The following ZNF385B variants were observed in gnomAD, a reference collection of about 807,000 sequenced individuals.
The protein encoded by ZNF385B is zinc finger protein 385B, also known as zinc finger protein 533.
Under a neutral mutation model 39.2 loss-of-function variants are expected in ZNF385B, and 23 were observed. The ratio of observed to expected loss-of-function variants is 0.59; its 90% CI spans 0.42 to 0.83. The LOEUF (loss-of-function observed/expected upper bound fraction) is 0.83. Ranked by LOEUF, ZNF385B falls within the 40% of genes least tolerant of loss-of-function variation. ZNF385B has a pLI of 0.00. For missense variants in ZNF385B, 552 were observed against 598.9 expected, an observed-to-expected ratio of 0.92 and a Z score of 0.82; for synonymous variants, 205 against 222.6, an observed-to-expected ratio of 0.92 and a Z score of 0.70.
At chr2:179,467,460 A>G (rs2052195345) in intron 6 of ZNF385B, among the ~76,000 whole-genome samples, 1 of 152,224 alleles carries the variant, frequency 6.6e-6, no homozygotes, top group African/African-American at 2.4e-5. Flanking sequence ...AGAAGTGGAA[A>G]ACAAAACAGA....
chr2:179,471,337 A>G (rs2052754347), intron 6 of ZNF385B, among the ~76,000 whole-genome samples: 1 of 152,234 alleles, frequency 6.6e-6, no homozygotes, highest in Non-Finnish European at 1.5e-5. Flanking sequence ...GAGAATAGAG[A>G]AAAATAACTC....
rs951345114 is a variant in ZNF385B at position 179,442,477 on chromosome 2, G to A, written c.*773C>T. 1 of 152,608 alleles carries A rather than the reference G, an allele frequency of 6.6e-6. No homozygotes were observed. The highest frequency in any genetic ancestry group is 1.5e-5 in the Non-Finnish European group (1 of 68,030). The allele number at this position is 152,608 out of a possible 1,614,324, so 9.5% of individuals were successfully genotyped here. ...GTTAAACAAAAATAGCAAACAGGTA[G>A]TAATTATAGCTATGTTATATGGCTT... On this transcript the variant is annotated 3_prime_UTR_variant, in exon 10 of 10. Transcript: ENST00000410066.
intron 3 of ZNF385B, among the ~76,000 whole-genome samples, chr2:179,727,075 C>T (rs113984760): frequency 3.9e-5 from 6 of 151,980 alleles, no homozygotes; most frequent in African/African-American, 1.4e-4. Flanking sequence ...TCAGGGAGCA[C>T]TCAGACTATA....
chr2:179,786,936 T>C (rs1705042058), intron 1 of ZNF385B, among the ~76,000 whole-genome samples: 1 of 152,114 alleles, frequency 6.6e-6, no homozygotes, highest in Middle Eastern at 3.2e-3. Flanking sequence ...CTGAGAAAGC[T>C]GGTTAAAGAA....
chr2:179,584,911 A>G (rs1350740294), intron 3 of ZNF385B, among the ~76,000 whole-genome samples: 1 of 152,222 alleles, frequency 6.6e-6, no homozygotes, highest in African/African-American at 2.4e-5. Context: ...GACAAGGGAG[A>G]CAGAGGTGAA....
intron 5 of ZNF385B, among the ~76,000 whole-genome samples, chr2:179,485,703 TGATA>T (rs996792424): frequency 6.6e-6 from 1 of 152,184 alleles, no homozygotes; most frequent in African/African-American, 2.4e-5. Context: ...GGAAGCTTGG[TGATA>T]GATTCATGCC....
At position 179,697,016 on chromosome 2, in the gene ZNF385B, G is replaced by A. The variant is rs111291528; in HGVS notation, c.298+72487C>T. On this transcript the variant is annotated intron_variant, in intron 3 of 9. Transcript: ENST00000410066. ...ACCAAAACAACATTCCCATTCCCTA[G>A]TTTCTCTGTGTAAGAATTTGGTATT... Among the ~76,000 whole-genome samples, 1,250 of 152,270 alleles carry A rather than the reference G, an allele frequency of 8.2e-3. 20 individuals carry two copies. Among genetic ancestry groups the A allele is most frequent in the African/African-American group, 0.029 (1,204 of 41,542 alleles).
intron 3 of ZNF385B, among the ~76,000 whole-genome samples, chr2:179,587,614 T>G (rs1201790391): frequency 1.3e-5 from 2 of 152,246 alleles, no homozygotes; most frequent in Non-Finnish European, 2.9e-5. Flanking sequence ...ATGCAGAGAC[T>G]ATCTCAGATG....
chr2:179,783,598 GTATCTAGCATCTATAA>G (rs1350759315), intron 1 of ZNF385B, among the ~76,000 whole-genome samples: 4 of 151,626 alleles, frequency 2.6e-5, no homozygotes, highest in Non-Finnish European at 5.9e-5. Flanking sequence ...CAAAGGTCTA[GTATCTAGCATCTATAA>G]GGAATTTAAA....
At chr2:179,690,790 G>A (rs1374525834) in intron 3 of ZNF385B, among the ~76,000 whole-genome samples, 2 of 152,134 alleles carry the variant, frequency 1.3e-5, no homozygotes, top group African/African-American at 2.4e-5. Context: ...AATCATGCTT[G>A]CTCACAGTAA....
chr2:179,564,362 G>A (rs777425011), intron 3 of ZNF385B, among the ~76,000 whole-genome samples: 3 of 152,122 alleles, frequency 2.0e-5, no homozygotes, highest in Non-Finnish European at 4.4e-5. Flanking sequence ...TCTAAAAAAT[G>A]AGAAGAGCTT....
chr2:179,743,454 C>A (rs1336278740), intron 3 of ZNF385B, among the ~76,000 whole-genome samples: 1 of 151,956 alleles, frequency 6.6e-6, no homozygotes, highest in Non-Finnish European at 1.5e-5. Flanking sequence ...AGGCAAAGAT[C>A]TAATAATTAA....
intron 6 of ZNF385B, among the ~76,000 whole-genome samples, chr2:179,472,192 G>A (rs1453334983): frequency 1.3e-5 from 2 of 152,120 alleles, no homozygotes; most frequent in Non-Finnish European, 2.9e-5. Context: ...ATATAAGCAG[G>A]ACAGCTGCTA....
At chr2:179,565,365 A>G (rs1210107744) in intron 3 of ZNF385B, among the ~76,000 whole-genome samples, 2 of 152,202 alleles carry the variant, frequency 1.3e-5, no homozygotes, top group Non-Finnish European at 2.9e-5. Flanking sequence ...ATGCATGTAA[A>G]TTCTTACTAT....
At chr2:179,774,153 T>C (rs988123906) in intron 1 of ZNF385B, among the ~76,000 whole-genome samples, 2 of 151,534 alleles carry the variant, frequency 1.3e-5, no homozygotes, top group Non-Finnish European at 2.9e-5. Flanking sequence ...CTGTGATGTG[T>C]ATGAATGTGG....
In ZNF385B at chr2:179,445,743, G is replaced by T; in HGVS notation, c.962-15C>A. On this transcript the variant is annotated splice_polypyrimidine_tract_variant and intron_variant, in intron 7 of 9. Transcript: ENST00000410066. Reference sequence around the variant, plus strand: ...GTGTTTAGATCCTAAGACAGAAAGAGACACATATTAAATAGCTATCCAAGA... The same window carrying T: ...GTGTTTAGATCCTAAGACAGAAAGATACACATATTAAATAGCTATCCAAGA... 4 of 1,583,438 alleles carry T rather than the reference G, an allele frequency of 2.5e-6. No homozygotes were observed. The highest frequency in any genetic ancestry group is 3.4e-6 in the Non-Finnish European group (4 of 1,168,752).
At chr2:179,664,753 A>G (rs1694933233) in intron 3 of ZNF385B, among the ~76,000 whole-genome samples, 1 of 152,192 alleles carries the variant, frequency 6.6e-6, no homozygotes, top group South Asian at 2.1e-4. Context: ...GATATATAAT[A>G]GAAGTCAACT....
At chr2:179,560,720 C>T (rs1423186474) in intron 3 of ZNF385B, among the ~76,000 whole-genome samples, 2 of 152,104 alleles carry the variant, frequency 1.3e-5, no homozygotes, top group Non-Finnish European at 2.9e-5. Flanking sequence ...TGTCTGTGTG[C>T]CTCTTTCATC....
intron 3 of ZNF385B, among the ~76,000 whole-genome samples, chr2:179,680,625 C>A (rs893303150): frequency 6.6e-6 from 1 of 152,042 alleles, no homozygotes; most frequent in Non-Finnish European, 1.5e-5. Context: ...ATAAACTGTT[C>A]GCAGGTATGT....
Sources: allele counts gnomAD v4.1 joint callset (sites outside exome capture counted in the v4.1 genomes callset), GRCh38; gene constraint gnomAD v4.1.1; transcripts MANE v1.5; gene names NCBI Gene and HGNC (gene_info 2026-07-23, HGNC 2026-07-21).